GRM8: variants seen among roughly 807,000 people sequenced by gnomAD.
GRM8 encodes metabotropic glutamate receptor 8.
Under a neutral mutation model 87.2 loss-of-function variants are expected in GRM8, and 47 were observed. That is an observed-to-expected ratio of 0.54 (90% confidence interval 0.43 to 0.69). GRM8 has a LOEUF of 0.69. Ranked by LOEUF, GRM8 falls within the 30% of genes least tolerant of loss-of-function variation. The pLI, the probability that GRM8 is intolerant of heterozygous loss-of-function variation, is 0.00. For missense variants in GRM8, 1,019 were observed against 1,139.2 expected (o/e 0.89, Z 1.52); for synonymous variants, 396 against 404.5 (o/e 0.98, Z 0.25).
chr7:126,594,462 A>G (rs927969240), intron 8 of GRM8, among the ~76,000 whole-genome samples: 7 of 152,102 alleles, frequency 4.6e-5, no homozygotes, highest in African/African-American at 1.7e-4. Flanking sequence ...AGAGGACATT[A>G]TGTTGAGTAA....
intron 1 of GRM8, among the ~76,000 whole-genome samples, chr7:127,245,948 A>G (rs1241653090): frequency 2.5e-4 from 38 of 152,260 alleles, no homozygotes. Flanking sequence ...TTGCTAACTT[A>G]GTCTGTAATT....
intron 3 of GRM8, among the ~76,000 whole-genome samples, chr7:127,020,601 T>C (rs1816165211): frequency 6.6e-6 from 1 of 152,024 alleles, no homozygotes; most frequent in Non-Finnish European, 1.5e-5. Context: ...CATGGATACT[T>C]AGAATTCATA....
At chr7:126,665,408 T>C (rs1479838474) in intron 7 of GRM8, among the ~76,000 whole-genome samples, 7 of 152,178 alleles carry the variant, frequency 4.6e-5, no homozygotes, top group Non-Finnish European at 7.4e-5. Flanking sequence ...CACCATAGAA[T>C]ACTATGCAGC....
chr7:127,126,045 A>G (rs1380820099), intron 2 of GRM8, among the ~76,000 whole-genome samples: 2 of 152,070 alleles, frequency 1.3e-5, no homozygotes, highest in Non-Finnish European at 2.9e-5. Context: ...AATTTTTACA[A>G]TCTCTATGGA....
At chr7:126,594,429 T>A (rs961491505) in intron 8 of GRM8, among the ~76,000 whole-genome samples, 1 of 152,042 alleles carries the variant, frequency 6.6e-6, no homozygotes, top group Admixed American at 6.6e-5. Context: ...AATACTGTCA[T>A]CTGTGAAAAC....
At chr7:126,932,708 G>C (rs867624843) in intron 3 of GRM8, among the ~76,000 whole-genome samples, 1 of 152,160 alleles carries the variant, frequency 6.6e-6, no homozygotes, top group African/African-American at 2.4e-5. Context: ...TTCTTGGAGA[G>C]GTTCAGGTCT....
intron 7 of GRM8, among the ~76,000 whole-genome samples, chr7:126,615,917 A>T (rs1308363081): frequency 6.6e-6 from 1 of 152,144 alleles, no homozygotes; most frequent in Non-Finnish European, 1.5e-5. Flanking sequence ...CTCCCACACA[A>T]TAATAATGGG....
intron 7 of GRM8, among the ~76,000 whole-genome samples, chr7:126,736,445 T>A (rs1814238202): frequency 6.6e-6 from 1 of 152,052 alleles, no homozygotes; most frequent in Non-Finnish European, 1.5e-5. Context: ...ACTCAGCCCA[T>A]CCTGTAATTT....
In GRM8 at chr7:127,096,892, G is replaced by A. The variant is rs565829751; in HGVS notation, c.727+9604C>T. The stretch of plus-strand genomic sequence containing the variant: ...CTTAACATTACAGTAACCCCCGAAG[G>A]TTCCCATGCGTTATCAAAGATAATG... On this transcript the variant is annotated intron_variant, in intron 3 of 10. Coordinates refer to ENST00000339582, the MANE Select transcript of GRM8 (RefSeq NM_000845.3). Among the ~76,000 whole-genome samples, 36 of 152,212 alleles carry A rather than the reference G, an allele frequency of 2.4e-4. No individual in the cohort carries two copies. In the South Asian group the frequency reaches 2.9e-3, roughly 12 times the overall value.
intron 3 of GRM8, among the ~76,000 whole-genome samples, chr7:127,014,988 GAAGAAGAAGAAGA>G (rs1194701214): frequency 3.8e-4 from 48 of 125,084 alleles, no homozygotes; most frequent in African/African-American, 1.3e-3. Flanking sequence ...AGGAGAAGAG[GAAGAAGAAGAAGA>G]AAGAAGAAGA....
At chr7:126,993,339 TC>T (rs1812859899) in intron 3 of GRM8, among the ~76,000 whole-genome samples, 1 of 152,174 alleles carries the variant, frequency 6.6e-6, no homozygotes, top group African/African-American at 2.4e-5. Flanking sequence ...CAATAGAATG[TC>T]ATTCAGCCAT....
In GRM8 at chr7:127,243,021, C is replaced by G. The variant is rs760554536; in HGVS notation, c.184G>C (p.Val62Leu). The change falls in exon 2 of 11, where the codon GTG becomes CTG. Residue 62 changes from valine to leucine, a missense_variant. Coordinates refer to ENST00000339582, the MANE Select transcript of GRM8 (RefSeq NM_000845.3). ...FPVHAKGERGVPCGELKKEKG... is the reference protein window; with the variant it reads ...FPVHAKGERGLPCGELKKEKG... ...TCCTTCTTCAGCTCCCCACAAGGCA[C>G]CCCTCTCTCTCCCTTTGCGTGGACA... 1.2e-6 allele frequency: 2 copies of G among 1,613,940 alleles called. No homozygotes were observed. Among genetic ancestry groups the G allele is most frequent in the Admixed American group, 3.3e-5 (2 of 60,004 alleles).
chr7:126,473,043 A>G (rs1001202263), intron 9 of GRM8, among the ~76,000 whole-genome samples: 1 of 152,132 alleles, frequency 6.6e-6, no homozygotes, highest in African/African-American at 2.4e-5. Context: ...GAGCCCTCCT[A>G]GAGAACCTCT....
chr7:126,569,052 T>C (rs1270160572), intron 8 of GRM8, among the ~76,000 whole-genome samples: 1 of 152,184 alleles, frequency 6.6e-6, no homozygotes, highest in Non-Finnish European at 1.5e-5. Context: ...CCCCATACTC[T>C]GAAGACTTTT....
At chr7:126,545,189 C>T (rs1034269014) in intron 8 of GRM8, among the ~76,000 whole-genome samples, 2 of 152,048 alleles carry the variant, frequency 1.3e-5, no homozygotes, top group African/African-American at 4.8e-5. Context: ...ATTGTGGATG[C>T]GGTGGTTTAA....
Position 127,142,739 on chromosome 7 carries a change from G to A in GRM8, c.511-36027C>T, listed in dbSNP as rs780519359. On this transcript the variant is annotated intron_variant, in intron 2 of 10. Transcript: ENST00000339582. Reference sequence around the variant, plus strand: ...GGGATGGATGGACGGACAGATGGACGGATGGACAGCGAGACAGATTGATTC... The same window carrying A: ...GGGATGGATGGACGGACAGATGGACAGATGGACAGCGAGACAGATTGATTC... Among the ~76,000 whole-genome samples the A allele has an allele frequency of 4.6e-5, 7 of 152,140 alleles. No individual in the cohort carries two copies. The East Asian group carries it at 5.8e-4, about 13-fold the overall frequency.
At chr7:127,147,189 G>T (rs2133296178) in intron 2 of GRM8, among the ~76,000 whole-genome samples, 1 of 152,098 alleles carries the variant, frequency 6.6e-6, no homozygotes, top group East Asian at 1.9e-4. Flanking sequence ...ATGAATGAAA[G>T]TTGGGCAGCC....
chr7:126,615,760 G>T lies in GRM8; in HGVS notation c.1358-6262C>A, dbSNP rs1284057012. Among the ~76,000 whole-genome samples the T allele has an allele frequency of 5.9e-5, 9 of 152,184 alleles. No homozygotes were observed. The East Asian group carries it at 1.7e-3, about 29-fold the overall frequency. On this transcript the variant is annotated intron_variant, in intron 7 of 10. Coordinates refer to ENST00000339582, the MANE Select transcript of GRM8 (RefSeq NM_000845.3). ...ATGAAACAGACTTTAAACCAACAAAGATCAAAAGAGACAAAGAAGGCCATT... is the reference window on the plus strand; with the variant it reads ...ATGAAACAGACTTTAAACCAACAAATATCAAAAGAGACAAAGAAGGCCATT...
At chr7:126,701,924 T>G (rs1338805282) in intron 7 of GRM8, 3 of 408,716 alleles carry the variant, frequency 7.3e-6, no homozygotes, top group African/African-American at 2.1e-5. Context: ...CCTTCTGTCT[T>G]AGTATAATTA....
Sources: gnomAD v4.1 joint callset for allele counts (sites outside exome capture counted in the v4.1 genomes callset) on GRCh38, gnomAD v4.1.1 for gene constraint, MANE v1.5 for transcripts, NCBI Gene and HGNC (gene_info 2026-07-23, HGNC 2026-07-21) for gene names.